Variants in CADM4 observed in about 807,000 individuals in gnomAD.
CADM4 encodes TSLC1-like 2.
A neutral mutation model predicts 43.9 loss-of-function variants in CADM4; 13 were observed. The observed-to-expected ratio is 0.30, with a 90% CI of 0.19 to 0.47. CADM4 has a LOEUF of 0.47. CADM4 is among the 20% of genes least tolerant of loss of function. CADM4 has a pLI of 1.00. For synonymous variants in CADM4, 209 were observed against 220.9 expected (o/e 0.95, Z 0.48); for missense variants, 420 against 527.0 (o/e 0.80, Z 1.99).
At position 43,627,198 on chromosome 19, in the gene CADM4, G is replaced by C; in HGVS notation, c.332C>G (p.Thr111Ser). The C allele has an allele frequency of 6.2e-7, 1 of 1,608,554 alleles. No homozygotes were observed. Among genetic ancestry groups the C allele is most frequent in the Non-Finnish European group, 8.5e-7 (1 of 1,176,760 alleles). Residue 111 changes from threonine (T) to serine (S), a missense_variant, in exon 3 of 9, where the codon ACC (threonine) becomes AGC (serine). By Grantham distance (58) the Thr-to-Ser change is moderately conservative. Transcript: ENST00000222374. The surrounding 1 kb of genome is among the most constrained non-coding windows in gnomAD (Gnocchi z 4.0). ...GYFCQLYTED[T>S]HHQIATLTVL... ...CGTGAGCGTGGCAATCTGGTGGTGG[G>C]TGTCTTCTGTGTAGAGCTGGCAGAA...
intron 7 of CADM4, 115 bp from the exon 8 acceptor site, chr19:43,624,357 C>G (rs2146134372): frequency 7.7e-7 from 1 of 1,304,958 alleles, no homozygotes; most frequent in South Asian, 1.4e-5. Flanking sequence ...CTTTTATGTG[C>G]CACACCCCTC....
At chr19:43,636,639 G>A (rs909905887) in intron 1 of CADM4, among the ~76,000 whole-genome samples, 2 of 151,984 alleles carry the variant, frequency 1.3e-5, no homozygotes, top group African/African-American at 4.8e-5. Flanking sequence ...CTGCCTTTGT[G>A]TTCTCCAAGA....
rs1202398204 is a variant in CADM4, at chr19:43,622,794, T to C, written c.*536A>G. ...GGGGCTGTCTCCCTCACTGCCCCCA[T>C]CAAAGTTATGACACAAAGACACAGA... On this transcript the variant is annotated 3_prime_UTR_variant, in exon 9 of 9. Coordinates refer to ENST00000222374, the MANE Select transcript of CADM4 (RefSeq NM_145296.2). 1 of 153,232 alleles carries C rather than the reference T, an allele frequency of 6.5e-6. No homozygotes were observed. Among genetic ancestry groups the C allele is most frequent in the African/African-American group, 2.4e-5 (1 of 41,308 alleles). The allele number at this position is 153,232 out of a possible 1,614,324, so 9.5% of individuals were successfully genotyped here.
chr19:43,630,767 C>T (rs1478187852), intron 1 of CADM4, among the ~76,000 whole-genome samples: 1 of 152,122 alleles, frequency 6.6e-6, no homozygotes, highest in Non-Finnish European at 1.5e-5. Flanking sequence ...TTGTGAGAGC[C>T]GCTTGTGATG....
chr19:43,626,544 A>G lies in CADM4; in HGVS notation c.499+240T>C, dbSNP rs917465406. 5.9e-5 allele frequency among the ~76,000 whole-genome samples: 9 copies of G among 152,172 alleles called. No homozygotes were observed. Among genetic ancestry groups the G allele is most frequent in the African/African-American group, 2.2e-4 (9 of 41,436 alleles). The stretch of plus-strand genomic sequence containing the variant: ...TATATATAAAAACATAAATTTATAT[A>G]TATACTTAGAGACAGGGTCTCACAA... On this transcript the variant is annotated intron_variant, in intron 4 of 8. Transcript: ENST00000222374. This position sits in a 1 kb window ranked among gnomAD's most constrained non-coding sequence, Gnocchi z 5.9.
upstream of CADM4, among the ~76,000 whole-genome samples, chr19:43,641,769 T>G (rs2146169691): frequency 6.6e-6 from 1 of 152,342 alleles, no homozygotes; most frequent in Admixed American, 6.5e-5. Context: ...TAATCCTCTT[T>G]CCAGGGCTCA....
At chr19:43,635,436 G>A (rs562196912) in intron 1 of CADM4, among the ~76,000 whole-genome samples, 4 of 149,580 alleles carry the variant, frequency 2.7e-5, no homozygotes, top group Non-Finnish European at 4.5e-5. Flanking sequence ...CAGGGTCTCA[G>A]CCCCTCCTCC....
chr19:43,639,636 T>G lies in CADM4; in HGVS notation c.64+91A>C, dbSNP rs555825236. The G allele has an allele frequency of 1.2e-4, 87 of 700,726 alleles. No homozygotes were observed. In the East Asian group the frequency reaches 7.4e-3, roughly 60 times the overall value. The allele number at this position is 700,726 out of a possible 1,614,324, so 43.4% of individuals were successfully genotyped here. ...GCCCGGCCCGGCCCCGCGCGCATTG[T>G]TCGGCCTCTGCGGCCCCGAGGCTGC... On this transcript the variant is annotated intron_variant, in intron 1 of 8. Coordinates refer to ENST00000222374, the MANE Select transcript of CADM4 (RefSeq NM_145296.2).
chr19:43,640,434 G>A (rs533135227), upstream of CADM4, among the ~76,000 whole-genome samples: 9 of 151,882 alleles, frequency 5.9e-5, no homozygotes, highest in South Asian at 1.9e-3. Context: ...CGGAGGGTCC[G>A]GAGGTCGAGG....
In CADM4 at chr19:43,634,751, G is replaced by T. The variant is rs140993920; in HGVS notation, c.64+4976C>A. ...GACAGGGAGGGTTTGGGAAAGAGTG[G>T]CGGAGCAGGTAATGCGTAAGACCCA... On this transcript the variant is annotated intron_variant, in intron 1 of 8. Coordinates refer to ENST00000222374, the MANE Select transcript of CADM4 (RefSeq NM_145296.2). 1.1e-3 allele frequency among the ~76,000 whole-genome samples: 172 copies of T among 151,268 alleles called. 1 individual carries two copies. The South Asian group carries it at 0.016, about 14-fold the overall frequency.
At chr19:43,634,007 TC>T in intron 1 of CADM4, among the ~76,000 whole-genome samples, 1 of 152,192 alleles carries the variant, frequency 6.6e-6, no homozygotes, top group South Asian at 2.1e-4. Context: ...AGACAGAATC[TC>T]ATTTCAGCCC....
At chr19:43,640,154 G>T (rs553010102), upstream of CADM4, among the ~76,000 whole-genome samples, 1 of 151,544 alleles carries the variant, frequency 6.6e-6, no homozygotes, top group African/African-American at 2.4e-5. Context: ...GCGAGGGTGC[G>T]GAGTTGCTGG....
At position 43,626,294 on chromosome 19, in the gene CADM4, A is replaced by T. The variant is rs781567087; in HGVS notation, c.500-6T>A. On this transcript the variant is annotated splice_region_variant and splice_polypyrimidine_tract_variant and intron_variant, in intron 4 of 8. Transcript: ENST00000222374. The surrounding 1 kb of genome is among the most constrained non-coding windows in gnomAD (Gnocchi z 5.9). ...TTCCTGGCTGCTGCTCACTCCTGCC[A>T]CACCCCGGTCAGACACTGTCAGGCC... 5 of 1,609,436 alleles carry T rather than the reference A, an allele frequency of 3.1e-6. No individual in the cohort carries two copies. The highest frequency in any genetic ancestry group is 4.2e-6 in the Non-Finnish European group (5 of 1,179,584).
chr19:43,624,094 C>G lies in CADM4; in HGVS notation c.1057+20G>C. On this transcript the variant is annotated intron_variant, in intron 8 of 8. Transcript: ENST00000222374. ...CCCTACAACCAACCAACCGTAGAGT[C>G]CAGGCCCCGTCCCACTCACCCTTCT... 6.2e-7 allele frequency: 1 copy of G among 1,613,986 alleles called. No homozygotes were observed. Among genetic ancestry groups the G allele is most frequent in the Non-Finnish European group, 8.5e-7 (1 of 1,179,886 alleles).
At chr19:43,624,397 T>G (rs1224282565) in intron 7 of CADM4, among the ~76,000 whole-genome samples, 155 bp from the exon 8 acceptor site, 2 of 152,218 alleles carry the variant, frequency 1.3e-5, no homozygotes, top group African/African-American at 4.8e-5. Context: ...TAGTCTCTTC[T>G]CTTTCCAGAT....
intron 1 of CADM4, among the ~76,000 whole-genome samples, chr19:43,636,242 C>T (rs1384917709): frequency 6.6e-6 from 1 of 152,138 alleles, no homozygotes; most frequent in Non-Finnish European, 1.5e-5. Context: ...GTGGCCCCCA[C>T]ATTCCTGGGA....
At chr19:43,632,797 AAGTC>A (rs1973646002) in intron 1 of CADM4, among the ~76,000 whole-genome samples, 1 of 151,980 alleles carries the variant, frequency 6.6e-6, no homozygotes, top group South Asian at 2.1e-4. Flanking sequence ...TTAAGAGACA[AAGTC>A]AGCCCAGTGC....
chr19:43,633,373 C>T (rs1157494534), intron 1 of CADM4, among the ~76,000 whole-genome samples: 1 of 152,084 alleles, frequency 6.6e-6, no homozygotes, highest in East Asian at 1.9e-4. Flanking sequence ...TGCGCCTGGC[C>T]CAGAACACTT....
intron 1 of CADM4, among the ~76,000 whole-genome samples, chr19:43,636,637 G>C (rs577273823): frequency 6.6e-6 from 1 of 152,088 alleles, no homozygotes; most frequent in South Asian, 2.1e-4. Context: ...AGCTGCCTTT[G>C]TGTTCTCCAA....
Sources: gnomAD v4.1 joint callset for allele counts (sites outside exome capture counted in the v4.1 genomes callset) on GRCh38, gnomAD v4.1.1 for gene constraint, Gnocchi (gnomAD v3.1) non-coding constraint, MANE v1.5 for transcripts, NCBI Gene and HGNC (gene_info 2026-07-23, HGNC 2026-07-21) for gene names.